The following RSRC1 variants were observed in gnomAD, a reference collection of about 807,000 sequenced individuals.
RSRC1 encodes serine/Arginine-related protein 53.
In RSRC1, 39 loss-of-function variants were observed where a neutral mutation model predicts 49.1. The observed-to-expected ratio is 0.79, with a 90% confidence interval of 0.61 to 1.04. The LOEUF (loss-of-function observed/expected upper bound fraction) is 1.04, where lower values mean the gene tolerates loss of function less well. Ranked by LOEUF, RSRC1 falls within the 50% of genes least tolerant of loss-of-function variation. RSRC1 has a pLI of 0.00. For missense variants in RSRC1, 388 were observed against 402.4 expected (o/e 0.96, Z 0.31); for synonymous variants, 143 against 130.8 (o/e 1.09, Z -0.63).
At chr3:158,535,333 A>G (rs983669870) in intron 7 of RSRC1, among the ~76,000 whole-genome samples, 1 of 151,410 alleles carries the variant, frequency 6.6e-6, no homozygotes, top group Non-Finnish European at 1.5e-5. Context: ...TGGTCATATC[A>G]TTAGAGCCTA....
chr3:158,370,374 TTA>T (rs1731999856), intron 6 of RSRC1, among the ~76,000 whole-genome samples: 1 of 152,014 alleles, frequency 6.6e-6, no homozygotes, highest in Non-Finnish European at 1.5e-5. Context: ...AACCTTTACA[TTA>T]CTCCAGAAGG....
chr3:158,123,911 G>A lies in RSRC1; in HGVS notation c.240G>A (p.Arg80=), dbSNP rs1167085666. 6.2e-7 allele frequency: 1 copy of A among 1,612,810 alleles called. No individual in the cohort carries two copies. The highest frequency in any genetic ancestry group is 2.2e-5 in the East Asian group (1 of 44,852). Residue 80 remains arginine, a synonymous_variant, in exon 3 of 10, where the codon AGG becomes AGA. Transcript: ENST00000611884. ...SSSSSSYGSR[R]KRSRSRSRGR... ...GTAGCTCTTCTTATGGCTCCAGAAG[G>A]AAACGAAGTCGAAGTCGTTCAAGGG...
At chr3:158,428,406 T>C (rs1735582967) in intron 6 of RSRC1, among the ~76,000 whole-genome samples, 1 of 151,854 alleles carries the variant, frequency 6.6e-6, no homozygotes, top group African/African-American at 2.4e-5. Flanking sequence ...AGCAGAACCG[T>C]TCTGGAGCTG....
intron 6 of RSRC1, among the ~76,000 whole-genome samples, chr3:158,368,012 G>A (rs1731871203): frequency 1.3e-5 from 2 of 148,996 alleles, no homozygotes; most frequent in Admixed American, 1.4e-4. Flanking sequence ...TATTTGAGTG[G>A]CTATTATTTA....
At chr3:158,137,619 A>G (rs1432918489) in intron 3 of RSRC1, among the ~76,000 whole-genome samples, 1 of 150,472 alleles carries the variant, frequency 6.6e-6, no homozygotes, top group Non-Finnish European at 1.5e-5. Flanking sequence ...GAAGAACTCT[A>G]TTGTCTAGTG....
chr3:158,542,917 G>T (rs1017283921), intron 8 of RSRC1, among the ~76,000 whole-genome samples: 34 of 152,034 alleles, frequency 2.2e-4, no homozygotes, highest in African/African-American at 7.2e-4. Flanking sequence ...GATATTTGTT[G>T]TAAGCTTGTT....
intron 6 of RSRC1, among the ~76,000 whole-genome samples, chr3:158,451,912 TA>T (rs1737064134): frequency 6.6e-6 from 1 of 152,028 alleles, no homozygotes; most frequent in Non-Finnish European, 1.5e-5. Flanking sequence ...TCATGGGATT[TA>T]ATAGTGTTTT....
Position 158,254,248 on chromosome 3 carries a change from T to C in RSRC1, c.495-43791T>C, listed in dbSNP as rs547449314. The stretch of plus-strand genomic sequence containing the variant: ...CATACGTGTGCCTGTGTTTTTATAG[T>C]AGCATGATTTATAATCCTTTGGGTA... On this transcript the variant is annotated intron_variant, in intron 4 of 9. Coordinates refer to ENST00000611884, the MANE Select transcript of RSRC1 (RefSeq NM_001271838.2). Among the ~76,000 whole-genome samples, 10 of 152,324 alleles carry C rather than the reference T, an allele frequency of 6.6e-5. No individual in the cohort carries two copies. In the South Asian group the frequency reaches 1.9e-3, roughly 28 times the overall value.
intron 4 of RSRC1, among the ~76,000 whole-genome samples, chr3:158,288,426 C>T (rs1726705228): frequency 6.6e-6 from 1 of 152,162 alleles, no homozygotes; most frequent in Admixed American, 6.5e-5. Flanking sequence ...AAACAACTGG[C>T]CATGACTCCT....
intron 7 of RSRC1, among the ~76,000 whole-genome samples, chr3:158,513,641 AG>A (rs1740317017): frequency 6.6e-6 from 1 of 152,210 alleles, no homozygotes; most frequent in South Asian, 2.1e-4. Context: ...AAAATGAGTT[AG>A]GGAGGATTCC....
intron 1 of RSRC1, among the ~76,000 whole-genome samples, chr3:158,111,320 A>G (rs1057498956): frequency 6.6e-6 from 1 of 152,250 alleles, no homozygotes; most frequent in South Asian, 2.1e-4. Flanking sequence ...TAAGAGGGCT[A>G]AAAATGTCAG....
At chr3:158,517,652 G>GC (rs2108484995) in intron 7 of RSRC1, among the ~76,000 whole-genome samples, 1 of 150,856 alleles carries the variant, frequency 6.6e-6, no homozygotes, top group African/African-American at 2.4e-5. Flanking sequence ...GAGTGCAGTG[G>GC]CATGATCATG....
intron 3 of RSRC1, among the ~76,000 whole-genome samples, chr3:158,176,457 A>G (rs1206821502): frequency 1.3e-5 from 2 of 152,200 alleles, no homozygotes; most frequent in African/African-American, 4.8e-5. Flanking sequence ...ACAGAGATAT[A>G]GATCAATGGA....
At chr3:158,490,828 C>T (rs765217384) in intron 7 of RSRC1, among the ~76,000 whole-genome samples, 5 of 152,132 alleles carry the variant, frequency 3.3e-5, no homozygotes, top group South Asian at 2.1e-4. Flanking sequence ...ATATTATACA[C>T]GTACTGCTGA....
intron 6 of RSRC1, among the ~76,000 whole-genome samples, chr3:158,448,730 T>A (rs1206555882): frequency 6.6e-6 from 1 of 151,870 alleles, no homozygotes; most frequent in East Asian, 1.9e-4. Flanking sequence ...GCTTTTCTAA[T>A]AAGTGACATA....
rs562110826 is a variant in RSRC1, at chr3:158,224,545, A to G, written c.494+21300A>G. Among the ~76,000 whole-genome samples the G allele has an allele frequency of 5.9e-5, 9 of 151,966 alleles. No individual in the cohort carries two copies. In the East Asian group the frequency reaches 1.7e-3, roughly 30 times the overall value. Reference sequence around the variant, plus strand: ...GAAATCACAGAATTTCTTTTGTGAAAAGAGTGGATGGTTAAATCCATATTC... The same window carrying G: ...GAAATCACAGAATTTCTTTTGTGAAGAGAGTGGATGGTTAAATCCATATTC... On this transcript the variant is annotated intron_variant, in intron 4 of 9. Coordinates refer to ENST00000611884, the MANE Select transcript of RSRC1 (RefSeq NM_001271838.2).
chr3:158,462,939 C>T (rs1275482081), intron 7 of RSRC1, among the ~76,000 whole-genome samples: 1 of 152,004 alleles, frequency 6.6e-6, no homozygotes, highest in African/African-American at 2.4e-5. Context: ...ATCTAGCATT[C>T]TAACTAGAGT....
intron 4 of RSRC1, among the ~76,000 whole-genome samples, chr3:158,231,495 C>CCTGAATAAATGACTTTTATTTGAAG (rs1722954405): frequency 6.6e-6 from 1 of 152,028 alleles, no homozygotes; most frequent in South Asian, 2.1e-4. Context: ...AGGCCCACAT[C>CCTGAATAAATGACTTTTATTTGAAG]CTGAATAAAT....
At chr3:158,457,024 A>G (rs951996853) in intron 6 of RSRC1, among the ~76,000 whole-genome samples, 8 of 152,278 alleles carry the variant, frequency 5.3e-5, no homozygotes, top group African/African-American at 1.9e-4. Flanking sequence ...AGGTACATTT[A>G]TTTATTTAAC....
Sources: allele counts gnomAD v4.1 joint callset (sites outside exome capture counted in the v4.1 genomes callset), GRCh38; gene constraint gnomAD v4.1.1; transcripts MANE v1.5; gene names NCBI Gene and HGNC (gene_info 2026-07-23, HGNC 2026-07-21).